The following RNF135 variants were observed in gnomAD, a reference collection of about 807,000 sequenced individuals.
RNF135 encodes ring finger protein 135.
In RNF135, 46 loss-of-function variants were observed where a neutral mutation model predicts 41.9. The observed-to-expected ratio is 1.10, with a 90% CI of 0.87 to 1.40. The LOEUF (loss-of-function observed/expected upper bound fraction) is 1.40. Among genes scored for constraint, RNF135 ranks in the 40% most tolerant of loss-of-function variants. The pLI is 0.00. For synonymous variants in RNF135, 238 were observed against 223.8 expected, an observed-to-expected ratio of 1.06 and a Z score of -0.57; for missense variants, 539 against 549.8, an observed-to-expected ratio of 0.98 and a Z score of 0.20.
chr17:30,987,906 G>T, intron 2 of RNF135, 38 bp from the exon 3 acceptor site: 1 of 1,558,800 alleles, frequency 6.4e-7, no homozygotes, highest in South Asian at 1.1e-5. Context: ...CTGCATAGGG[G>T]ACTTCCATTT....
chr17:30,978,499 C>G (rs1167536943), intron 1 of RNF135: 1 of 151,966 alleles, frequency 6.6e-6, no homozygotes, highest in Non-Finnish European at 1.5e-5. Flanking sequence ...AATACTTGAT[C>G]GATTTTGCTA....
At chr17:30,980,851 C>T (rs1033908605) in intron 1 of RNF135, among the ~76,000 whole-genome samples, 11 of 150,192 alleles carry the variant, frequency 7.3e-5, no homozygotes, top group African/African-American at 2.2e-4. Context: ...GGATGGCGGC[C>T]GGGCAGAGAC....
At chr17:30,975,719 AAC>A in intron 1 of RNF135, 1 of 1,414,772 alleles carries the variant, frequency 7.1e-7, no homozygotes, top group Non-Finnish European at 1.0e-6. Flanking sequence ...CAGATTGCCC[AAC>A]ACTGCTCACC....
upstream of RNF135, among the ~76,000 whole-genome samples, chr17:30,968,382 CTTTCTTTTTTTTT>C (rs542995432): frequency 1.1e-3 from 158 of 144,294 alleles, no homozygotes; most frequent in Non-Finnish European, 2.0e-3. Flanking sequence ...CCCTTTCTTT[CTTTCTTTTTTTTT>C]TTTCTTTTGA....
chr17:30,979,536 C>A (rs1167891273), intron 1 of RNF135, among the ~76,000 whole-genome samples: 1 of 83,372 alleles, frequency 1.2e-5, no homozygotes, highest in South Asian at 4.4e-4. Flanking sequence ...TGGCCGACCC[C>A]CCCCCCCCGC....
chr17:30,987,331 A>G (rs1028183443), intron 2 of RNF135, among the ~76,000 whole-genome samples: 3 of 151,898 alleles, frequency 2.0e-5, no homozygotes, highest in African/African-American at 7.3e-5. Flanking sequence ...TCCCGGGTTC[A>G]AGTGATTGTC....
chr17:30,964,493 C>G, the RNF135 span, among the ~76,000 whole-genome samples: 1 of 150,532 alleles, frequency 6.6e-6, no homozygotes, highest in Non-Finnish European at 1.5e-5. Context: ...AATCCCAGCA[C>G]TTTGGAAGGC....
At chr17:30,959,091 C>T in the RNF135 span, 1 of 152,134 alleles carries the variant, frequency 6.6e-6, no homozygotes, top group Non-Finnish European at 1.5e-5. Flanking sequence ...CATTAAGGGC[C>T]AGTTTACTTG....
chr17:30,980,509 C>T (rs1268886875), intron 1 of RNF135, among the ~76,000 whole-genome samples: 47 of 123,664 alleles, frequency 3.8e-4, no homozygotes, highest in African/African-American at 6.8e-4. Context: ...GCTGACCCCC[C>T]CCACCTCCCT....
At chr17:30,988,476 G>A (rs58872117) in intron 3 of RNF135, among the ~76,000 whole-genome samples, 1,400 of 122,322 alleles carry the variant, frequency 0.011, 23 homozygotes, top group African/African-American at 0.042. Flanking sequence ...CGCCCAGGCT[G>A]GAGTGCAGTG....
Position 30,999,385 on chromosome 17 carries a change from A to T in RNF135, c.*194A>T. The T allele has an allele frequency of 1.6e-6, 1 of 625,754 alleles. No homozygotes were observed. Among genetic ancestry groups the T allele is most frequent in the East Asian group, 2.8e-5 (1 of 35,332 alleles). The allele number at this position is 625,754 out of a possible 1,614,324, so 38.8% of individuals were successfully genotyped here. ...CACCTCAGCCTCCCAAGGTGCTGGG[A>T]TTACAGGTGTGAGCCACCACACCTG... On this transcript the variant is annotated 3_prime_UTR_variant, in exon 5 of 5. Coordinates refer to ENST00000328381, the MANE Select transcript of RNF135 (RefSeq NM_032322.4).
At chr17:30,961,403 T>C in the RNF135 span, among the ~76,000 whole-genome samples, 1 of 152,140 alleles carries the variant, frequency 6.6e-6, no homozygotes, top group African/African-American at 2.4e-5. Context: ...GAATTTCCCA[T>C]GTAGACAGCA....
intron 1 of RNF135, chr17:30,972,086 C>G (rs1301882444): frequency 6.6e-6 from 1 of 152,218 alleles, no homozygotes; most frequent in Non-Finnish European, 1.5e-5. Context: ...GCCACAGCGC[C>G]TGGCCTCATT....
intron 3 of RNF135, among the ~76,000 whole-genome samples, chr17:30,991,150 T>A (rs1907959438): frequency 6.6e-6 from 1 of 152,108 alleles, no homozygotes; most frequent in Non-Finnish European, 1.5e-5. Flanking sequence ...GCCAACTGAG[T>A]ATGTTGTCAA....
intron 3 of RNF135, among the ~76,000 whole-genome samples, chr17:30,993,251 G>A (rs765407401): frequency 1.9e-4 from 29 of 152,150 alleles, no homozygotes; most frequent in Non-Finnish European, 4.0e-4. Context: ...AGTAGAGATG[G>A]GGTTTCGCCA....
At chr17:30,970,933 A>T (rs1481559350), upstream of RNF135, 1 of 1,180,768 alleles carries the variant, frequency 8.5e-7, no homozygotes, top group East Asian at 2.6e-5. Context: ...CGGAGGAAGG[A>T]GACGGGGTGG....
At chr17:30,979,760 G>A (rs1365628326) in intron 1 of RNF135, among the ~76,000 whole-genome samples, 9 of 126,382 alleles carry the variant, frequency 7.1e-5, no homozygotes, top group African/African-American at 1.9e-4. Context: ...CGGGCAGGGG[G>A]CTGACCCCCC....
the RNF135 span, among the ~76,000 whole-genome samples, chr17:30,963,929 G>A: frequency 6.6e-6 from 1 of 152,042 alleles, no homozygotes; most frequent in Non-Finnish European, 1.5e-5. Flanking sequence ...AGCCTGGACA[G>A]CATAGCGTTC....
chr17:30,987,323 C>G (rs1405249463), intron 2 of RNF135, among the ~76,000 whole-genome samples: 2 of 152,062 alleles, frequency 1.3e-5, no homozygotes, highest in African/African-American at 2.4e-5. Context: ...CCTCTACCTC[C>G]CGGGTTCAAG....
Sources: allele counts gnomAD v4.1 joint callset (sites outside exome capture counted in the v4.1 genomes callset), GRCh38; gene constraint gnomAD v4.1.1; transcripts MANE v1.5; gene names NCBI Gene and HGNC (gene_info 2026-07-23, HGNC 2026-07-21).